PRDM6: variants seen among roughly 807,000 people sequenced by gnomAD.
The protein encoded by PRDM6 is PR/SET domain 6.
PRDM6 carries 25 observed loss-of-function variants against 60.8 expected under a neutral mutation model. That is an observed-to-expected ratio of 0.41 (90% confidence interval 0.30 to 0.57). The LOEUF (loss-of-function observed/expected upper bound fraction) is 0.57, where lower values mean the gene tolerates loss of function less well. PRDM6 is among the 20% of genes least tolerant of loss of function. The pLI is 0.27. For synonymous variants in PRDM6, 407 were observed against 357.4 expected, an observed-to-expected ratio of 1.14 and a Z score of -1.57; for missense variants, 839 against 821.3, an observed-to-expected ratio of 1.02 and a Z score of -0.26.
intron 3 of PRDM6, among the ~76,000 whole-genome samples, chr5:123,137,465 T>G (rs1407169615): frequency 1.3e-5 from 2 of 152,228 alleles, no homozygotes; most frequent in African/African-American, 4.8e-5. Context: ...GTGTCTTGCT[T>G]CTTAAGCCAG....
intron 5 of PRDM6, among the ~76,000 whole-genome samples, chr5:123,163,593 G>C (rs1765682641): frequency 6.6e-6 from 1 of 152,204 alleles, no homozygotes; most frequent in African/African-American, 2.4e-5. Flanking sequence ...GCTCCAAAGA[G>C]AGTGCCTTTC....
intron 3 of PRDM6, among the ~76,000 whole-genome samples, chr5:123,122,035 C>T (rs996148708): frequency 4.6e-5 from 7 of 150,984 alleles, no homozygotes; most frequent in African/African-American, 9.7e-5. Flanking sequence ...TGGTGGCGGG[C>T]GCCTGTAATC....
At chr5:123,146,928 C>T (rs897582865) in intron 3 of PRDM6, among the ~76,000 whole-genome samples, 1 of 152,042 alleles carries the variant, frequency 6.6e-6, no homozygotes, top group Admixed American at 6.6e-5. Context: ...TTATAAGCCC[C>T]CAAATGGCAC....
chr5:123,145,693 C>T (rs966652246), intron 3 of PRDM6, among the ~76,000 whole-genome samples: 3 of 151,914 alleles, frequency 2.0e-5, no homozygotes, highest in African/African-American at 2.4e-5. Flanking sequence ...ACTGTCCCAA[C>T]GTGACATAAG....
In PRDM6 at chr5:123,090,276, A is replaced by ACCTCTGCCT; in HGVS notation, c.266_267insTGCCTCCTC (p.Ala93_Ser95dup). ...CTCGTCCACGCCGGCTTCCTCTTCC[A>ACCTCTGCCT]CCTCCGCCTCCTCCGCCTCCTCCTG... On this transcript the variant is annotated inframe_insertion, in exon 2 of 8. Coordinates refer to ENST00000407847, the MANE Select transcript of PRDM6 (RefSeq NM_001136239.4). 2 of 1,481,676 alleles carry ACCTCTGCCT rather than the reference A, an allele frequency of 1.3e-6. No individual in the cohort carries two copies. The highest frequency in any genetic ancestry group is 1.8e-6 in the Non-Finnish European group (2 of 1,116,820). 91.8% of individuals were successfully genotyped at this position (1,481,676 alleles called of 1,614,324 possible). A position where few individuals can be genotyped will look rare whatever the true frequency, so the allele number is the denominator to read the frequency against.
chr5:123,123,972 A>T (rs539426290), intron 3 of PRDM6, among the ~76,000 whole-genome samples: 13 of 146,028 alleles, frequency 8.9e-5, no homozygotes, highest in Admixed American at 4.1e-4. Context: ...CATGGTTTAG[A>T]GTAGGTGACA....
At chr5:123,118,531 C>G (rs1003575249) in intron 3 of PRDM6, among the ~76,000 whole-genome samples, 2 of 152,208 alleles carry the variant, frequency 1.3e-5, no homozygotes, top group African/African-American at 4.8e-5. Context: ...GTTTCACCAC[C>G]ATCCAAGCTC....
At chr5:123,180,577 T>A (rs1014367849) in intron 7 of PRDM6, among the ~76,000 whole-genome samples, 1 of 152,238 alleles carries the variant, frequency 6.6e-6, no homozygotes, top group Non-Finnish European at 1.5e-5. Context: ...TGTTTTCTCA[T>A]CATTAAAATA....
chr5:123,183,075 T>A (rs1353722725), intron 7 of PRDM6, among the ~76,000 whole-genome samples: 1 of 152,220 alleles, frequency 6.6e-6, no homozygotes, highest in Admixed American at 6.5e-5. Flanking sequence ...ACAAACATTT[T>A]TAAAAACCTT....
chr5:123,143,902 A>AT (rs1363376302), intron 3 of PRDM6, among the ~76,000 whole-genome samples: 1 of 152,200 alleles, frequency 6.6e-6, no homozygotes, highest in Admixed American at 6.5e-5. Flanking sequence ...AAAAATGTTA[A>AT]TTTATGGTTT....
chr5:123,170,534 C>T (rs182645343), intron 5 of PRDM6, among the ~76,000 whole-genome samples: 412 of 152,246 alleles, frequency 2.7e-3, no homozygotes, highest in Admixed American at 4.1e-3. Flanking sequence ...GGGCAAAGAC[C>T]ATGTAAAACA....
At chr5:123,166,442 T>C (rs1173033743) in intron 5 of PRDM6, among the ~76,000 whole-genome samples, 1 of 138,450 alleles carries the variant, frequency 7.2e-6, no homozygotes, top group African/African-American at 2.5e-5. Context: ...CTAAAATTTA[T>C]GTTTTTGTTT....
At chr5:123,164,475 A>G (rs1174206946) in intron 5 of PRDM6, among the ~76,000 whole-genome samples, 2 of 152,200 alleles carry the variant, frequency 1.3e-5, no homozygotes, top group Non-Finnish European at 2.9e-5. Flanking sequence ...GGATGTTATG[A>G]GGCTTGATTT....
At chr5:123,101,864 T>A (rs1414595051) in intron 3 of PRDM6, among the ~76,000 whole-genome samples, 1 of 152,218 alleles carries the variant, frequency 6.6e-6, no homozygotes, top group Non-Finnish European at 1.5e-5. Context: ...CTTGATGAAG[T>A]TAAAATTTTG....
intron 6 of PRDM6, among the ~76,000 whole-genome samples, chr5:123,177,451 A>G (rs335177): frequency 0.071 from 10,804 of 152,240 alleles, 408 homozygotes; most frequent in African/African-American, 0.082. Context: ...GTATTCTAAA[A>G]TCTTATTTTT....
At chr5:123,169,698 A>G (rs1014777319) in intron 5 of PRDM6, among the ~76,000 whole-genome samples, 2 of 152,206 alleles carry the variant, frequency 1.3e-5, no homozygotes, top group African/African-American at 4.8e-5. Context: ...TAGATGTTCC[A>G]TACTTGCCCA....
At chr5:123,170,639 T>C (rs577675006) in intron 5 of PRDM6, 127 bp from the exon 6 acceptor site, 216 of 717,698 alleles carry the variant, frequency 3.0e-4, no homozygotes, top group Non-Finnish European at 4.1e-4. Context: ...GTTTGTTATG[T>C]TAATTCTGAG....
chr5:123,106,626 C>G (rs1444376975), intron 3 of PRDM6, among the ~76,000 whole-genome samples: 3 of 152,148 alleles, frequency 2.0e-5, no homozygotes, highest in African/African-American at 7.2e-5. Context: ...AAAGGCTCAG[C>G]AGTGTGAAAC....
intron 7 of PRDM6, among the ~76,000 whole-genome samples, chr5:123,183,017 A>G (rs1190445179): frequency 1.3e-5 from 2 of 152,270 alleles, no homozygotes; most frequent in South Asian, 2.1e-4. Flanking sequence ...TATTCATCCC[A>G]TGGACATTTG....
Sources: allele counts gnomAD v4.1 joint callset (sites outside exome capture counted in the v4.1 genomes callset), GRCh38; gene constraint gnomAD v4.1.1; transcripts MANE v1.5; gene names NCBI Gene and HGNC (gene_info 2026-07-23, HGNC 2026-07-21).